The following WDPCP variants were observed in gnomAD, a reference collection of about 807,000 sequenced individuals.
WDPCP encodes the protein WD repeat containing planar cell polarity effector.
Under a neutral mutation model 93.1 loss-of-function variants are expected in WDPCP, and 71 were observed. The observed-to-expected ratio is 0.76, with a 90% CI of 0.63 to 0.93. The LOEUF (loss-of-function observed/expected upper bound fraction) is 0.93, where lower values mean the gene tolerates loss of function less well. WDPCP is among the 40% of genes least tolerant of loss of function. The pLI, the probability that WDPCP is intolerant of heterozygous loss-of-function variation, is 0.00. For missense variants in WDPCP, 844 were observed against 887.4 expected (o/e 0.95, Z 0.62); for synonymous variants, 315 against 315.0 (o/e 1.00, Z 0.00).
intron 1 of WDPCP, among the ~76,000 whole-genome samples, chr2:63,587,683 T>C (rs1340339368): frequency 2.0e-5 from 3 of 152,248 alleles, no homozygotes; most frequent in Non-Finnish European, 2.9e-5. Flanking sequence ...GCAATTCTCT[T>C]GGCAGCATTA....
chr2:63,707,906 T>C (rs954370662), intron 2 of WDPCP, among the ~76,000 whole-genome samples: 12 of 152,244 alleles, frequency 7.9e-5, no homozygotes, highest in Non-Finnish European at 1.3e-4. Flanking sequence ...AGACCCTGTT[T>C]GCCTGGGTAT....
At chr2:63,231,338 G>T (rs1385059793) in intron 14 of WDPCP, among the ~76,000 whole-genome samples, 1 of 152,098 alleles carries the variant, frequency 6.6e-6, no homozygotes, top group Non-Finnish European at 1.5e-5. Flanking sequence ...AGGGCAATCA[G>T]GCAAGAGAAG....
chr2:63,782,036 G>GTTCATCCTTCAAACTGT (rs1309474238), intron 2 of WDPCP, among the ~76,000 whole-genome samples: 2 of 152,200 alleles, frequency 1.3e-5, no homozygotes, highest in East Asian at 3.9e-4. Context: ...TCTTTTCAGT[G>GTTCATCCTTCAAACTGT]TTCATCCTTC....
chr2:63,283,650 T>C (rs751194798), intron 13 of WDPCP, among the ~76,000 whole-genome samples: 5 of 152,164 alleles, frequency 3.3e-5, no homozygotes, highest in Non-Finnish European at 7.3e-5. Context: ...TCTAGCTCTT[T>C]CTCCAATACA....
intron 9 of WDPCP, among the ~76,000 whole-genome samples, chr2:63,413,657 G>C (rs1695185297): frequency 6.6e-6 from 1 of 152,168 alleles, no homozygotes; most frequent in African/African-American, 2.4e-5. Context: ...AATTAGCCAG[G>C]TGTGGTGGCG....
the WDPCP span, among the ~76,000 whole-genome samples, chr2:63,836,995 CTCAGT>C: frequency 6.6e-6 from 1 of 152,182 alleles, no homozygotes; most frequent in South Asian, 2.1e-4. Context: ...TTTAAAGCAT[CTCAGT>C]TATTTGAAAT....
rs191051788 is a variant in WDPCP, at chr2:63,175,267, G to A, written c.1916-435C>T. Among the ~76,000 whole-genome samples the A allele has an allele frequency of 2.0e-4, 30 of 152,158 alleles. 1 individual carries two copies. The East Asian group carries it at 5.0e-3, about 25-fold the overall frequency. ...CAATTAGCATTTTAAACTTTATAGG[G>A]AGATATATACTCCCATATCTTAGAG... is the stretch of plus-strand genomic sequence containing the variant. On this transcript the variant is annotated intron_variant, in intron 14 of 17. Coordinates refer to ENST00000272321, the MANE Select transcript of WDPCP (RefSeq NM_015910.7).
At chr2:63,359,142 C>T (rs969489527) in intron 12 of WDPCP, among the ~76,000 whole-genome samples, 5 of 151,814 alleles carry the variant, frequency 3.3e-5, no homozygotes, top group African/African-American at 1.2e-4. Context: ...CTTGTATGTT[C>T]GTATCTCAAT....
At chr2:63,665,280 T>A (rs1710269364) in intron 2 of WDPCP, among the ~76,000 whole-genome samples, 1 of 152,208 alleles carries the variant, frequency 6.6e-6, no homozygotes, top group African/African-American at 2.4e-5. Flanking sequence ...GGGAAGAATC[T>A]GTTCTAGGCT....
At chr2:63,600,826 TG>T (rs1709405016) in intron 3 of WDPCP, among the ~76,000 whole-genome samples, 1 of 152,182 alleles carries the variant, frequency 6.6e-6, no homozygotes, top group Admixed American at 6.5e-5. Flanking sequence ...GTGGGACAGT[TG>T]TAAAGGAAGA....
intron 12 of WDPCP, among the ~76,000 whole-genome samples, chr2:63,344,741 G>A (rs925162606): frequency 6.6e-6 from 1 of 152,140 alleles, no homozygotes; most frequent in African/African-American, 2.4e-5. Flanking sequence ...CAGCCTGAGG[G>A]ATGTGAAAAA....
chr2:63,431,260 A>G (rs1192650128), intron 9 of WDPCP, among the ~76,000 whole-genome samples: 2 of 151,996 alleles, frequency 1.3e-5, no homozygotes, highest in African/African-American at 4.8e-5. Flanking sequence ...TCCCCTCCAG[A>G]GATTCTGATG....
intron 2 of WDPCP, among the ~76,000 whole-genome samples, chr2:63,781,322 A>G (rs986570948): frequency 5.3e-5 from 8 of 152,202 alleles, no homozygotes; most frequent in African/African-American, 1.9e-4. Flanking sequence ...TCCATATAGC[A>G]TATGTCACAT....
chr2:63,834,830 G>A, the WDPCP span, among the ~76,000 whole-genome samples: 1 of 152,170 alleles, frequency 6.6e-6, no homozygotes, highest in African/African-American at 2.4e-5. Flanking sequence ...CAGCTCTGGT[G>A]GCTCTGAAAC....
chr2:63,241,680 C>G (rs1216073145), intron 14 of WDPCP, among the ~76,000 whole-genome samples: 4 of 152,132 alleles, frequency 2.6e-5, no homozygotes, highest in Non-Finnish European at 4.4e-5. Context: ...CTCCCTGTGA[C>G]CTCAAACTCC....
chr2:63,583,536 C>T (rs528071916), intron 1 of WDPCP, among the ~76,000 whole-genome samples: 12 of 152,124 alleles, frequency 7.9e-5, no homozygotes, highest in South Asian at 4.1e-4. Context: ...CAAAAATTAG[C>T]TGGGTGTGGT....
intron 2 of WDPCP, among the ~76,000 whole-genome samples, chr2:63,810,758 G>A (rs944370944): frequency 5.9e-5 from 9 of 152,192 alleles, no homozygotes; most frequent in African/African-American, 2.2e-4. Flanking sequence ...TTAAGCAAAG[G>A]AGAAACAGGA....
At chr2:63,373,055 G>A (rs897105182) in intron 12 of WDPCP, among the ~76,000 whole-genome samples, 8 of 151,916 alleles carry the variant, frequency 5.3e-5, no homozygotes, top group African/African-American at 1.7e-4. Context: ...CCTGGGAGGC[G>A]GAGGTTGCGG....
At chr2:63,174,302 T>C (rs1417972369) in intron 15 of WDPCP, among the ~76,000 whole-genome samples, 2 of 152,092 alleles carry the variant, frequency 1.3e-5, no homozygotes, top group Non-Finnish European at 1.5e-5. Context: ...CAAAAACTAA[T>C]GGTAAACTTG....
Sources: allele counts gnomAD v4.1 joint callset (sites outside exome capture counted in the v4.1 genomes callset), GRCh38; gene constraint gnomAD v4.1.1; transcripts MANE v1.5; gene names NCBI Gene and HGNC (gene_info 2026-07-23, HGNC 2026-07-21).